RBFOX1: variants seen among roughly 807,000 people sequenced by gnomAD.
The protein encoded by RBFOX1 is RNA binding fox-1 homolog 1, also known as RNA binding protein fox-1 homolog 1.
In RBFOX1, 8 loss-of-function variants were observed where a neutral mutation model predicts 57.7. That is an observed-to-expected ratio of 0.14 (90% confidence interval 0.08 to 0.25). The LOEUF is 0.25. Ranked by LOEUF, RBFOX1 falls within the 10% of genes least tolerant of loss-of-function variation. The pLI, the probability that RBFOX1 is intolerant of heterozygous loss-of-function variation, is 1.00. For missense variants in RBFOX1, 611 were observed against 548.5 expected (o/e 1.11, Z -1.14); for synonymous variants, 326 against 222.4 (o/e 1.47, Z -4.15).
intron 3 of RBFOX1, among the ~76,000 whole-genome samples, chr16:5,834,819 T>TAGATAGATAGATAGAC (rs869158252): frequency 8.2e-5 from 11 of 134,432 alleles, no homozygotes; most frequent in African/African-American, 3.3e-4. Flanking sequence ...GATAGATAGA[T>TAGATAGATAGATAGAC]AGACAGACAG....
chr16:6,373,424 G>C (rs2090758294), intron 2 of RBFOX1, among the ~76,000 whole-genome samples: 2 of 151,892 alleles, frequency 1.3e-5, no homozygotes, highest in African/African-American at 4.8e-5. Context: ...AATGGAGATT[G>C]GGTGGAAGTA....
At chr16:7,368,492 A>G (rs569339559) in intron 4 of RBFOX1, among the ~76,000 whole-genome samples, 11 of 152,010 alleles carry the variant, frequency 7.2e-5, no homozygotes, top group Admixed American at 4.6e-4. Context: ...TTAAAAAAAA[A>G]TTGGAGCCGG....
intron 2 of RBFOX1, among the ~76,000 whole-genome samples, chr16:6,641,097 A>C (rs996867766): frequency 6.6e-6 from 1 of 152,150 alleles, no homozygotes; most frequent in African/African-American, 2.4e-5. Flanking sequence ...AGTGCACTAA[A>C]CCTCAATTTG....
intron 2 of RBFOX1, among the ~76,000 whole-genome samples, chr16:6,562,908 T>G (rs1452641482): frequency 7.1e-6 from 1 of 140,212 alleles, no homozygotes; most frequent in Non-Finnish European, 1.5e-5. Context: ...TGCATAGTTG[T>G]TACTGTTTCC....
chr16:7,709,735 G>T (rs971845304), intron 15 of RBFOX1: 1 of 734,382 alleles, frequency 1.4e-6, no homozygotes, highest in Non-Finnish European at 1.6e-6. Context: ...GGCAGGTCTG[G>T]GTTTTTGTTT....
intron 3 of RBFOX1, among the ~76,000 whole-genome samples, chr16:5,831,131 G>A (rs966934074): frequency 1.3e-5 from 2 of 152,108 alleles, no homozygotes; most frequent in East Asian, 3.9e-4. Context: ...TTGGATCTGC[G>A]TTCCGACCAC....
intron 4 of RBFOX1, among the ~76,000 whole-genome samples, chr16:7,190,820 C>T (rs556088592): frequency 5.9e-5 from 9 of 152,238 alleles, no homozygotes; most frequent in African/African-American, 9.6e-5. Flanking sequence ...GTAACAGTTA[C>T]GTTGAGCTTA....
intron 2 of RBFOX1, among the ~76,000 whole-genome samples, chr16:5,501,620 C>A (rs145700893): frequency 6.6e-6 from 1 of 152,232 alleles, no homozygotes; most frequent in East Asian, 1.9e-4. Flanking sequence ...CATCTTCCTC[C>A]TAAGTTGCTC....
At chr16:7,379,314 G>C (rs907418604) in intron 4 of RBFOX1, among the ~76,000 whole-genome samples, 3 of 152,152 alleles carry the variant, frequency 2.0e-5, no homozygotes, top group Non-Finnish European at 4.4e-5. Context: ...CTTATTTTTA[G>C]ACTGTTTTAA....
chr16:6,439,076 T>G (rs767220234), intron 2 of RBFOX1, among the ~76,000 whole-genome samples: 4 of 152,120 alleles, frequency 2.6e-5, no homozygotes, highest in African/African-American at 4.8e-5. Context: ...TAGCCTGTTT[T>G]TGTAGGACAA....
intron 3 of RBFOX1, among the ~76,000 whole-genome samples, chr16:5,842,325 G>A (rs2056645667): frequency 6.6e-6 from 1 of 152,142 alleles, no homozygotes. Flanking sequence ...GCTGATGCGA[G>A]CTGCTTCTGG....
At chr16:6,033,339 T>G (rs1012587656) in intron 1 of RBFOX1, among the ~76,000 whole-genome samples, 1 of 152,244 alleles carries the variant, frequency 6.6e-6, no homozygotes, top group Non-Finnish European at 1.5e-5. Flanking sequence ...TAGTTTTGAT[T>G]AAATGGTACA....
chr16:7,179,590 G>T (rs554120993), intron 4 of RBFOX1, among the ~76,000 whole-genome samples: 2 of 151,774 alleles, frequency 1.3e-5, no homozygotes, highest in Non-Finnish European at 2.9e-5. Context: ...TGGACACATG[G>T]TTTCCTTTTT....
chr16:7,515,216 C>G (rs2076094117), intron 4 of RBFOX1, among the ~76,000 whole-genome samples: 2 of 151,436 alleles, frequency 1.3e-5, no homozygotes, highest in Admixed American at 1.3e-4. Context: ...CCTTGAACAG[C>G]CCAGAAAAAG....
chr16:5,640,646 T>C (rs1257899491), intron 3 of RBFOX1, among the ~76,000 whole-genome samples: 2 of 147,754 alleles, frequency 1.4e-5, no homozygotes, highest in Non-Finnish European at 3.0e-5. Flanking sequence ...CACAAACACA[T>C]GCACAGCATG....
chr16:7,437,704 G>C (rs2098734048), intron 4 of RBFOX1, among the ~76,000 whole-genome samples: 2 of 152,086 alleles, frequency 1.3e-5, no homozygotes, highest in African/African-American at 4.8e-5. Flanking sequence ...TATTTGTCTG[G>C]AGATTAGCCT....
chr16:7,006,197 C>T (rs2093284338), intron 3 of RBFOX1, among the ~76,000 whole-genome samples: 1 of 151,924 alleles, frequency 6.6e-6, no homozygotes, highest in African/African-American at 2.4e-5. Flanking sequence ...TGTTTGTTGC[C>T]AGGCTGGAGT....
At chr16:6,556,969 A>G (rs1039011921) in intron 2 of RBFOX1, among the ~76,000 whole-genome samples, 1 of 148,192 alleles carries the variant, frequency 6.7e-6, no homozygotes, top group Non-Finnish European at 1.5e-5. Context: ...ATATATATAA[A>G]TATACACACA....
intron 4 of RBFOX1, among the ~76,000 whole-genome samples, chr16:7,136,291 AGTTT>A (rs1294222715): frequency 6.6e-6 from 1 of 152,146 alleles, no homozygotes; most frequent in Non-Finnish European, 1.5e-5. Flanking sequence ...TCAACAGTTC[AGTTT>A]GTCTCATATT....
Sources: allele counts gnomAD v4.1 joint callset (sites outside exome capture counted in the v4.1 genomes callset), GRCh38; gene constraint gnomAD v4.1.1; transcripts MANE v1.5; gene names NCBI Gene and HGNC (gene_info 2026-07-23, HGNC 2026-07-21).